EPHA5: variants seen among roughly 807,000 people sequenced by gnomAD.
EPHA5 encodes the protein ephrin type-A receptor 5.
A neutral mutation model predicts 105.0 loss-of-function variants in EPHA5; 60 were observed. The observed-to-expected ratio is 0.57, with a 90% CI of 0.46 to 0.71. The LOEUF is 0.71. EPHA5 is among the 30% of genes least tolerant of loss of function. The pLI, the probability that EPHA5 is intolerant of heterozygous loss-of-function variation, is 0.00. For synonymous variants in EPHA5, 513 were observed against 449.1 expected, an observed-to-expected ratio of 1.14 and a Z score of -1.80; for missense variants, 1,218 against 1,274.7, an observed-to-expected ratio of 0.96 and a Z score of 0.68.
intron 3 of EPHA5, among the ~76,000 whole-genome samples, chr4:65,599,813 G>A (rs1743535858): frequency 6.6e-6 from 1 of 152,186 alleles, no homozygotes; most frequent in Admixed American, 6.5e-5. Flanking sequence ...AGAAAGAAAA[G>A]ATGTATGCTA....
At chr4:65,407,304 A>T (rs1275230144) in intron 7 of EPHA5, among the ~76,000 whole-genome samples, 3 of 152,086 alleles carry the variant, frequency 2.0e-5, no homozygotes, top group African/African-American at 7.2e-5. Context: ...GTCCACAATT[A>T]CTCAGAAATA....
At chr4:65,424,422 T>C (rs913655970) in intron 5 of EPHA5, among the ~76,000 whole-genome samples, 34 of 152,222 alleles carry the variant, frequency 2.2e-4, no homozygotes, top group African/African-American at 5.5e-4. Flanking sequence ...TGTTAGTTAG[T>C]TAACTTTTAT....
chr4:65,463,734 T>C (rs540772639), intron 5 of EPHA5, among the ~76,000 whole-genome samples: 63 of 152,246 alleles, frequency 4.1e-4, no homozygotes, highest in Non-Finnish European at 7.4e-4. Context: ...AGTTTTTCTC[T>C]TGTCATGTAG....
At chr4:65,617,873 A>G (rs1431172134) in intron 2 of EPHA5, among the ~76,000 whole-genome samples, 2 of 152,138 alleles carry the variant, frequency 1.3e-5, no homozygotes, top group African/African-American at 4.8e-5. Flanking sequence ...TGGCAAGCCC[A>G]TAGAGGTCTC....
rs768844742 is a variant in EPHA5, at chr4:65,404,463, G to A, written c.1704C>T (p.Ser568=). Residue 568 remains serine (S), a synonymous_variant, in exon 8 of 17, where the codon AGC becomes AGT. Transcript: ENST00000613740. ...CAATTACAGGAATCTGGCTTTGATCGCTGGATGCTGCAACTGCTGATAGGA... is the reference window on the plus strand; with the variant it reads ...CAATTACAGGAATCTGGCTTTGATCACTGGATGCTGCAACTGCTGATAGGA... The part of the protein sequence containing the change: ...ETTPVSVAAS[S]DQSQIPVIAV... 53 of 1,613,474 alleles carry A rather than the reference G, an allele frequency of 3.3e-5. No homozygotes were observed. The Admixed American group carries it at 5.5e-4, about 17-fold the overall frequency.
intron 16 of EPHA5, among the ~76,000 whole-genome samples, chr4:65,326,562 T>G (rs1423993098): frequency 6.6e-6 from 1 of 151,296 alleles, no homozygotes; most frequent in Admixed American, 6.6e-5. Context: ...AAATTATTAA[T>G]TATAAAGAAT....
chr4:65,637,341 TAAATG>T (rs1025422700), intron 2 of EPHA5, among the ~76,000 whole-genome samples: 4 of 151,172 alleles, frequency 2.6e-5, no homozygotes, highest in African/African-American at 9.7e-5. Context: ...ATTGGTAACT[TAAATG>T]AATGAGGAGT....
intron 5 of EPHA5, among the ~76,000 whole-genome samples, chr4:65,459,082 A>T (rs1727881285): frequency 6.6e-6 from 1 of 152,070 alleles, no homozygotes; most frequent in Non-Finnish European, 1.5e-5. Context: ...GCATAAGCAG[A>T]AATCTGAATT....
intron 3 of EPHA5, among the ~76,000 whole-genome samples, chr4:65,600,741 T>C (rs959666183): frequency 2.0e-4 from 30 of 152,122 alleles, no homozygotes; most frequent in Non-Finnish European, 3.7e-4. Context: ...TGAAAACAAG[T>C]TCAGGATCAT....
chr4:65,450,831 A>C (rs1354751161), intron 5 of EPHA5, among the ~76,000 whole-genome samples: 2 of 152,140 alleles, frequency 1.3e-5, no homozygotes, highest in Non-Finnish European at 2.9e-5. Flanking sequence ...ACCTCAAAAT[A>C]ATTGTGGCAA....
chr4:65,463,861 T>C (rs1728355287), intron 5 of EPHA5, among the ~76,000 whole-genome samples: 1 of 152,056 alleles, frequency 6.6e-6, no homozygotes, highest in Admixed American at 6.6e-5. Context: ...AAATAATTTT[T>C]TAAAACTATA....
At chr4:65,331,495 T>C in intron 16 of EPHA5, 1 of 1,051,856 alleles carries the variant, frequency 9.5e-7, no homozygotes. Context: ...ATTTAGAAAT[T>C]AAATGAGATC....
chr4:65,600,099 A>G (rs1383818367), intron 3 of EPHA5, among the ~76,000 whole-genome samples: 1 of 152,162 alleles, frequency 6.6e-6, no homozygotes, highest in Non-Finnish European at 1.5e-5. Flanking sequence ...GAAATAATTA[A>G]TAAGATTTAT....
rs971378227 is a variant in EPHA5, at chr4:65,668,853, C to A, written c.181+709G>T. On this transcript the variant is annotated intron_variant, in intron 1 of 16. Transcript: ENST00000613740. The stretch of plus-strand genomic sequence containing the variant: ...TCCTAGCAGCGACACTCCCCCTCAC[C>A]CCTCCTGCCGCGGCATCCCACCTTC... 1.5e-4 allele frequency among the ~76,000 whole-genome samples: 23 copies of A among 152,068 alleles called. No homozygotes were observed. In the South Asian group the frequency reaches 4.2e-3, roughly 27 times the overall value.
chr4:65,491,897 C>G (rs933994403), intron 4 of EPHA5, among the ~76,000 whole-genome samples: 8 of 151,974 alleles, frequency 5.3e-5, no homozygotes, highest in Non-Finnish European at 1.2e-4. Flanking sequence ...TTAGTTAAAA[C>G]TTCAGTCAGC....
chr4:65,586,038 TAAGG>T (rs1412496433), intron 3 of EPHA5, among the ~76,000 whole-genome samples: 1 of 151,090 alleles, frequency 6.6e-6, no homozygotes, highest in African/African-American at 2.4e-5. Context: ...GGGAAAGAAA[TAAGG>T]AAGAGGAAGA....
In EPHA5 at chr4:65,320,380, T is replaced by C. The variant is rs1316954071; in HGVS notation, c.*3734A>G. On this transcript the variant is annotated 3_prime_UTR_variant, in exon 17 of 17. Transcript: ENST00000613740. ...TCATCATCATATTGTACCTACTTTT[T>C]GCTTAATTTGAAGTTAAACATCTGG... The C allele has an allele frequency of 4.3e-6, 1 of 230,280 alleles. No homozygotes were observed. The highest frequency in any genetic ancestry group is 8.6e-6 in the Non-Finnish European group (1 of 116,216). The allele number at this position is 230,280 out of a possible 1,614,324, so 14.3% of individuals were successfully genotyped here. A position where few individuals can be genotyped will look rare whatever the true frequency, so the allele number is the denominator to read the frequency against.
intron 5 of EPHA5, among the ~76,000 whole-genome samples, chr4:65,436,533 A>G (rs922379268): frequency 2.6e-5 from 4 of 152,002 alleles, no homozygotes; most frequent in Admixed American, 2.0e-4. Flanking sequence ...TGATGGAACA[A>G]TTCAGAGACA....
intron 8 of EPHA5, among the ~76,000 whole-genome samples, chr4:65,378,096 T>C (rs1336871241): frequency 6.6e-6 from 1 of 151,940 alleles, no homozygotes; most frequent in Non-Finnish European, 1.5e-5. Context: ...GATGATTATT[T>C]CCAAATAAAA....
Sources: gnomAD v4.1 joint callset for allele counts (sites outside exome capture counted in the v4.1 genomes callset) on GRCh38, gnomAD v4.1.1 for gene constraint, MANE v1.5 for transcripts, NCBI Gene and HGNC (gene_info 2026-07-23, HGNC 2026-07-21) for gene names.